Variants in GNAS observed in about 807,000 individuals in gnomAD.
GNAS encodes GNAS complex locus.
Under a neutral mutation model 54.5 loss-of-function variants are expected in GNAS, and 8 were observed. The observed-to-expected ratio is 0.15, with a 90% CI of 0.09 to 0.26. GNAS has a LOEUF of 0.26. Among genes scored for constraint, GNAS ranks in the 10% least tolerant of loss-of-function variants. The pLI, the probability that GNAS is intolerant of heterozygous loss-of-function variation, is 1.00. For missense variants in GNAS, 170 were observed against 529.8 expected, an observed-to-expected ratio of 0.32 and a Z score of 6.67; for synonymous variants, 204 against 191.4, an observed-to-expected ratio of 1.07 and a Z score of -0.54.
intron 1 of GNAS, among the ~76,000 whole-genome samples, chr20:58,848,254 C>A (rs2086012742): frequency 1.3e-5 from 2 of 152,160 alleles, no homozygotes; most frequent in Non-Finnish European, 2.9e-5. Flanking sequence ...GACAGCCAAT[C>A]CTGTCCTCCC....
intron 1 of GNAS, among the ~76,000 whole-genome samples, chr20:58,848,654 A>C (rs926887797): frequency 7.2e-5 from 11 of 152,130 alleles, no homozygotes; most frequent in Non-Finnish European, 1.0e-4. Context: ...AGCTAGCAAA[A>C]TTATCAGCCT....
At chr20:58,900,640 T>C (rs2090525086) in intron 3 of GNAS, among the ~76,000 whole-genome samples, 1 of 152,198 alleles carries the variant, frequency 6.6e-6, no homozygotes, top group Non-Finnish European at 1.5e-5. Context: ...AGTCCCAATT[T>C]TGTAGCGAAT....
chr20:58,873,516 C>T lies in GNAS; in HGVS notation c.44-22096C>T, dbSNP rs74903410. 0.026 allele frequency among the ~76,000 whole-genome samples: 3,991 copies of T among 152,178 alleles called. 169 individuals carry two copies. The highest frequency in any genetic ancestry group is 0.091 in the African/African-American group (3,777 of 41,498). On this transcript the variant is annotated intron_variant, in intron 1 of 12. Coordinates refer to the GNAS transcript ENST00000306090. The surrounding 1 kb of genome is among the most constrained non-coding windows in gnomAD (Gnocchi z 4.3). The stretch of plus-strand genomic sequence containing the variant: ...GTACACAGGGACTAGCACATGTACC[C>T]ATTTTTTCTCACTGATAAGTTATTT...
chr20:58,909,274 AC>A lies in GNAS; in HGVS notation c.585+60del. 1 of 1,587,420 alleles carries A rather than the reference AC, an allele frequency of 6.3e-7. No individual in the cohort carries two copies. The highest frequency in any genetic ancestry group is 8.7e-7 in the Non-Finnish European group (1 of 1,155,876). ...GAGCCCTCTTTCCAAACTACTCCAG[AC>A]CTTTGCTTTAGATTGGCAATTATTA... On this transcript the variant is annotated intron_variant, in intron 7 of 12. Coordinates refer to ENST00000371085, the MANE Select transcript of GNAS (RefSeq NM_000516.7). The surrounding 1 kb of genome is among the most constrained non-coding windows in gnomAD (Gnocchi z 7.3).
In GNAS at chr20:58,853,792, A is replaced by G; in HGVS notation, c.43+12906A>G. 1 of 1,611,034 alleles carries G rather than the reference A, an allele frequency of 6.2e-7. No homozygotes were observed. Among genetic ancestry groups the G allele is most frequent in the Non-Finnish European group, 8.5e-7 (1 of 1,178,846 alleles). ...CAGCCTGCCCAGAGAGGCTGCAGTC[A>G]ACTTCTCTTACAGGTCCCAGACCTT... On this transcript the variant is annotated intron_variant, in intron 1 of 12. Coordinates refer to the GNAS transcript ENST00000306090. This position sits in a 1 kb window ranked among gnomAD's most constrained non-coding sequence, Gnocchi z 4.4.
At chr20:58,899,994 C>A (rs752487048) in intron 3 of GNAS, 2 of 714,544 alleles carry the variant, frequency 2.8e-6, no homozygotes, top group African/African-American at 3.5e-5. Context: ...ATCTTCCCGG[C>A]TATGTCCTAT....
chr20:58,906,424 C>T (rs916795323), intron 6 of GNAS, among the ~76,000 whole-genome samples: 2 of 152,230 alleles, frequency 1.3e-5, no homozygotes, highest in Non-Finnish European at 2.9e-5. Context: ...CAGAGGACAT[C>T]GTACCCGATA....
chr20:58,895,196 TTA>T (rs2089931954), intron 1 of GNAS: 2 of 269,086 alleles, frequency 7.4e-6, no homozygotes, highest in Non-Finnish European at 1.5e-5. Flanking sequence ...TGACAACAAA[TTA>T]TGTGTCTAGA....
At chr20:58,861,987 G>C (rs757586239) in intron 1 of GNAS, among the ~76,000 whole-genome samples, 1 of 152,008 alleles carries the variant, frequency 6.6e-6, no homozygotes, top group Non-Finnish European at 1.5e-5. Flanking sequence ...TTACAGGTGT[G>C]AGCCATGGCA....
In GNAS at chr20:58,910,113, C is replaced by A. The variant is rs559114865; in HGVS notation, c.970+32C>A. On this transcript the variant is annotated intron_variant, in intron 11 of 12. Transcript: ENST00000371085. The surrounding 1 kb of genome is among the most constrained non-coding windows in gnomAD (Gnocchi z 5.8). ...ATGGCTTCCACTCTTGCTGGCTGTT[C>A]ATTGCGGTGGTTCTTTTTCAAACGG... 3 of 1,609,860 alleles carry A rather than the reference C, an allele frequency of 1.9e-6. No homozygotes were observed. The Admixed American group carries it at 5.0e-5, about 27-fold the overall frequency.
chr20:58,884,405 T>C (rs2088451532), intron 1 of GNAS: 1 of 152,232 alleles, frequency 6.6e-6, no homozygotes, highest in Non-Finnish European at 1.5e-5. Flanking sequence ...AAAGGGCTTC[T>C]TTTATCTAAG....
intron 1 of GNAS, chr20:58,842,424 G>A: frequency 2.5e-6 from 1 of 398,556 alleles, no homozygotes. Context: ...GATGATAGAA[G>A]GAAAATACCT....
At chr20:58,902,725 C>CTTTTT (rs60022134) in intron 3 of GNAS, among the ~76,000 whole-genome samples, 10,761 of 69,448 alleles carry the variant, frequency 0.15, 2,706 homozygotes, top group East Asian at 0.36. Flanking sequence ...GCACATACGA[C>CTTTTT]TTTTTTTTTT....
chr20:58,841,702 G>C lies in GNAS; in HGVS notation c.43+816G>C, dbSNP rs2085736841. Reference sequence around the variant, plus strand: ...GGTAGAGGAGGTAAGGGGACCCTTGGGGATGCCCCTACGGGCTACCAGGGT... The same window carrying C: ...GGTAGAGGAGGTAAGGGGACCCTTGCGGATGCCCCTACGGGCTACCAGGGT... On this transcript the variant is annotated intron_variant, in intron 1 of 12. Transcript: ENST00000306090. This position sits in a 1 kb window ranked among gnomAD's most constrained non-coding sequence, Gnocchi z 5.0. 1 of 1,210,728 alleles carries C rather than the reference G, an allele frequency of 8.3e-7. No individual in the cohort carries two copies. The highest frequency in any genetic ancestry group is 1.0e-6 in the Non-Finnish European group (1 of 974,788). 75.0% of individuals were successfully genotyped at this position (1,210,728 alleles called of 1,614,324 possible).
intron 1 of GNAS, chr20:58,855,452 C>T (rs2086438063): frequency 2.1e-6 from 2 of 938,016 alleles, no homozygotes; most frequent in Admixed American, 2.0e-5. Flanking sequence ...CAGCCAAAGG[C>T]GGGAAGAACT....
rs1601173990 is a variant in GNAS, at chr20:58,910,900, A to C, written c.*71A>C. 9.7e-6 allele frequency: 14 copies of C among 1,444,896 alleles called. No individual in the cohort carries two copies. Among genetic ancestry groups the C allele is most frequent in the Non-Finnish European group, 1.3e-5 (13 of 1,030,968 alleles). 89.5% of individuals were successfully genotyped at this position (1,444,896 alleles called of 1,614,324 possible). ...AAAAGTGAAACGTAATTGTACAAGC[A>C]GTTAATCACCCACCATAGGGCATGA... On this transcript the variant is annotated 3_prime_UTR_variant, in exon 13 of 13. Transcript: ENST00000371085. This position sits in a 1 kb window ranked among gnomAD's most constrained non-coding sequence, Gnocchi z 5.8.
At chr20:58,896,777 T>C (rs963740272) in intron 2 of GNAS, among the ~76,000 whole-genome samples, 3 of 152,196 alleles carry the variant, frequency 2.0e-5, no homozygotes, top group South Asian at 2.1e-4. Flanking sequence ...TTCCCTTTCT[T>C]AAACTTGGAT....
At chr20:58,860,994 A>G (rs2086753565) in intron 1 of GNAS, among the ~76,000 whole-genome samples, 1 of 152,132 alleles carries the variant, frequency 6.6e-6, no homozygotes, top group Admixed American at 6.6e-5. Context: ...ACATAAATTT[A>G]TTTTTAGAGA....
intron 1 of GNAS, among the ~76,000 whole-genome samples, chr20:58,851,332 G>A (rs552750309): frequency 6.6e-6 from 1 of 152,124 alleles, no homozygotes; most frequent in East Asian, 1.9e-4. Context: ...AACTTGCGGT[G>A]GTTCGCCCGC....
Sources: gnomAD v4.1 joint callset for allele counts (sites outside exome capture counted in the v4.1 genomes callset) on GRCh38, gnomAD v4.1.1 for gene constraint, Gnocchi (gnomAD v3.1) non-coding constraint, MANE v1.5 for transcripts, NCBI Gene and HGNC (gene_info 2026-07-23, HGNC 2026-07-21) for gene names.